PCDHGA11: variants seen among roughly 807,000 people sequenced by gnomAD.
PCDHGA11 encodes protocadherin gamma subfamily A, 11.
A neutral mutation model predicts 60.4 loss-of-function variants in PCDHGA11; 39 were observed. That is an observed-to-expected ratio of 0.65 (90% CI 0.50 to 0.84). The LOEUF is 0.84. PCDHGA11 is among the 40% of genes least tolerant of loss of function. PCDHGA11 has a pLI of 0.00. For synonymous variants in PCDHGA11, 533 were observed against 510.3 expected (o/e 1.04, Z -0.60); for missense variants, 1,165 against 1,197.7 (o/e 0.97, Z 0.40).
chr5:141,455,343 G>T (rs1462807460), intron 1 of PCDHGA11, among the ~76,000 whole-genome samples: 1 of 152,036 alleles, frequency 6.6e-6, no homozygotes, highest in Non-Finnish European at 1.5e-5. Flanking sequence ...TTTAAGGAGC[G>T]GAGAGTTTAA....
chr5:141,478,376 C>T, intron 1 of PCDHGA11: 4 of 1,613,672 alleles, frequency 2.5e-6, no homozygotes, highest in Non-Finnish European at 3.4e-6. Flanking sequence ...CCTGATGTCG[C>T]CGCACCTTTA....
At chr5:141,494,682 C>G (rs1282135022) in intron 1 of PCDHGA11, 125 bp from the exon 2 acceptor site, 16 of 1,564,362 alleles carry the variant, frequency 1.0e-5, no homozygotes, top group African/African-American at 1.4e-5. Context: ...ACCCCTGCCC[C>G]CTCTTAGTCC....
At chr5:141,434,265 GA>G (rs2097683598) in intron 1 of PCDHGA11, among the ~76,000 whole-genome samples, 1 of 152,186 alleles carries the variant, frequency 6.6e-6, no homozygotes, top group South Asian at 2.1e-4. Context: ...GGGGGAGGTG[GA>G]AATTAGAGGT....
chr5:141,435,883 C>A (rs1458527952), intron 1 of PCDHGA11, among the ~76,000 whole-genome samples: 1 of 152,020 alleles, frequency 6.6e-6, no homozygotes, highest in African/African-American at 2.4e-5. Flanking sequence ...GATTGGAAAC[C>A]CCTTAGAGAA....
intron 1 of PCDHGA11, among the ~76,000 whole-genome samples, chr5:141,454,796 ATTTTTTTTTTTTTTTTTTT>A (rs61612330): frequency 3.9e-5 from 3 of 77,408 alleles, no homozygotes; most frequent in African/African-American, 1.2e-4. Context: ...CATGGTTCTA[ATTTTTTTTTTTTTTTTTTT>A]TTTTTTTTTT....
chr5:141,485,503 C>T lies in PCDHGA11; in HGVS notation c.2434-9304C>T, dbSNP rs1057374827. The T allele has an allele frequency of 5.0e-6, 8 of 1,614,096 alleles. No homozygotes were observed. The highest frequency in any genetic ancestry group is 6.8e-6 in the Non-Finnish European group (8 of 1,180,008). On this transcript the variant is annotated intron_variant, in intron 1 of 3. Coordinates refer to ENST00000398587, the MANE Select transcript of PCDHGA11 (RefSeq NM_018914.3). This position sits in a 1 kb window ranked among gnomAD's most constrained non-coding sequence, Gnocchi z 5.7. ...GCATCGTGCCCCTGGAGTTTGTCAC[C>T]GAAGGTCCTTTGGAAATGTACCGAG...
Position 141,491,414 on chromosome 5 carries a change from G to A in PCDHGA11, c.2434-3393G>A. On this transcript the variant is annotated intron_variant, in intron 1 of 3. Coordinates refer to ENST00000398587, the MANE Select transcript of PCDHGA11 (RefSeq NM_018914.3). The surrounding 1 kb of genome is among the most constrained non-coding windows in gnomAD (Gnocchi z 6.9). ...CTTCAGGGAAACGCAGACGGGGACGGGGGTGGAGGGCAGTGCTGCAGGCGC... is the reference window on the plus strand; with the variant it reads ...CTTCAGGGAAACGCAGACGGGGACGAGGGTGGAGGGCAGTGCTGCAGGCGC... 2 of 1,614,126 alleles carry A rather than the reference G, an allele frequency of 1.2e-6. No individual in the cohort carries two copies. Among genetic ancestry groups the A allele is most frequent in the Non-Finnish European group, 1.7e-6 (2 of 1,180,022 alleles).
At chr5:141,482,048 G>T (rs375214441) in intron 1 of PCDHGA11, among the ~76,000 whole-genome samples, 12 of 150,156 alleles carry the variant, frequency 8.0e-5, no homozygotes, top group Middle Eastern at 6.9e-3. Flanking sequence ...TCATGCTGTT[G>T]CATTCCAGCC....
chr5:141,483,887 C>G (rs147069309), intron 1 of PCDHGA11, among the ~76,000 whole-genome samples: 13 of 152,036 alleles, frequency 8.6e-5, no homozygotes, highest in Non-Finnish European at 1.2e-4. Context: ...TTTTCTATTT[C>G]TCTGAGCTCT....
In PCDHGA11 at chr5:141,512,494, C is replaced by T. The variant is rs2099884262; in HGVS notation, c.*1321C>T. The T allele has an allele frequency of 6.5e-6, 1 of 152,894 alleles. No individual in the cohort carries two copies. Among genetic ancestry groups the T allele is most frequent in the Admixed American group, 6.5e-5 (1 of 15,282 alleles). The allele number at this position is 152,894 out of a possible 1,614,324, so 9.5% of individuals were successfully genotyped here. Reference sequence around the variant, plus strand: ...CTTCCGTGAAGGCCACTGCCCAGGTCCCCAGTGCGCCCCCTAGTGGCCATA... The same window carrying T: ...CTTCCGTGAAGGCCACTGCCCAGGTTCCCAGTGCGCCCCCTAGTGGCCATA... On this transcript the variant is annotated 3_prime_UTR_variant, in exon 4 of 4. Transcript: ENST00000398587.
chr5:141,509,602 C>T (rs921950654), intron 3 of PCDHGA11, among the ~76,000 whole-genome samples: 8 of 152,194 alleles, frequency 5.3e-5, no homozygotes, highest in Non-Finnish European at 8.8e-5. Context: ...TTCCGAGAGG[C>T]TGCATTCTAA....
At chr5:141,459,829 G>A in intron 1 of PCDHGA11, among the ~76,000 whole-genome samples, 1 of 152,178 alleles carries the variant, frequency 6.6e-6, no homozygotes, top group East Asian at 1.9e-4. Flanking sequence ...AACTTTTCAT[G>A]TGTTGTCTAT....
rs201968743 is a variant in PCDHGA11, at chr5:141,490,095, A to G, written c.2434-4712A>G. On this transcript the variant is annotated intron_variant, in intron 1 of 3. Coordinates refer to ENST00000398587, the MANE Select transcript of PCDHGA11 (RefSeq NM_018914.3). The surrounding 1 kb of genome is among the most constrained non-coding windows in gnomAD (Gnocchi z 5.4). ...TAGACTATTCTTTTGGAGACCACAC[A>G]TCTGAGGCAGTGCGGAACCTCTTTG... 2.4e-4 allele frequency: 394 copies of G among 1,614,156 alleles called. No individual in the cohort carries two copies. The highest frequency in any genetic ancestry group is 3.1e-4 in the Non-Finnish European group (363 of 1,180,054).
At position 141,422,850 on chromosome 5, in the gene PCDHGA11, G is replaced by A. The variant is rs184432819; in HGVS notation, c.1623G>A (p.Pro541=). The change falls in exon 1 of 4, where the codon CCG becomes CCA. Residue 541 remains proline (P), a synonymous_variant. Transcript: ENST00000398587. Reference sequence around the variant, plus strand: ...TGATAGCACGTGACAGCGGGGACCCGCCCCTCAGCAGCAACGTGTCGCTGA... The same window carrying A: ...TGATAGCACGTGACAGCGGGGACCCACCCCTCAGCAGCAACGTGTCGCTGA... ...LRVIARDSGD[P]PLSSNVSLSL... 154 of 1,614,204 alleles carry A rather than the reference G, an allele frequency of 9.5e-5. 1 individual carries two copies. The African/African-American group carries it at 1.3e-3, about 14-fold the overall frequency.
At chr5:141,452,161 A>G (rs559274240) in intron 1 of PCDHGA11, among the ~76,000 whole-genome samples, 1 of 152,204 alleles carries the variant, frequency 6.6e-6, no homozygotes, top group South Asian at 2.1e-4. Context: ...GTTATATTCT[A>G]TTACTAACAT....
rs1407774111 is a variant in PCDHGA11 at position 141,431,569 on chromosome 5, C to G, written c.2433+7909C>G. On this transcript the variant is annotated intron_variant, in intron 1 of 3. Transcript: ENST00000398587. The surrounding 1 kb of genome is among the most constrained non-coding windows in gnomAD (Gnocchi z 4.8). Reference sequence around the variant, plus strand: ...TTGTAGTCAACGCTACCGACCCTGACGAAGGAGTCAATGCGGAAGTGAGGT... The same window carrying G: ...TTGTAGTCAACGCTACCGACCCTGAGGAAGGAGTCAATGCGGAAGTGAGGT... 5.6e-6 allele frequency: 9 copies of G among 1,614,000 alleles called. No homozygotes were observed. Among genetic ancestry groups the G allele is most frequent in the African/African-American group, 2.7e-5 (2 of 74,932 alleles).
Position 141,490,013 on chromosome 5 carries a change from G to A in PCDHGA11, c.2434-4794G>A. 6.2e-7 allele frequency: 1 copy of A among 1,614,206 alleles called. No individual in the cohort carries two copies. The highest frequency in any genetic ancestry group is 1.1e-5 in the South Asian group (1 of 91,088). Reference sequence around the variant, plus strand: ...GGAATCCCAGAGAATGCACCCATTGGTACTCTGCTGCTCCGCCTCAATGCC... The same window carrying A: ...GGAATCCCAGAGAATGCACCCATTGATACTCTGCTGCTCCGCCTCAATGCC... On this transcript the variant is annotated intron_variant, in intron 1 of 3. Transcript: ENST00000398587. This position sits in a 1 kb window ranked among gnomAD's most constrained non-coding sequence, Gnocchi z 5.4.
At position 141,421,469 on chromosome 5, in the gene PCDHGA11, G is replaced by A; in HGVS notation, c.242G>A (p.Arg81Gln). ...GKTQLFAVNP[R>Q]SGSLITAGRI... ...ACACAGCTTTTCGCTGTGAATCCGC[G>A]AAGCGGCAGCTTGATCACGGCAGGC... Residue 81 changes from arginine (R) to glutamine (Q), a missense_variant, in exon 1 of 4, where the codon CGA becomes CAA. By Grantham distance (43) the Arg-to-Gln change is conservative. Coordinates refer to ENST00000398587, the MANE Select transcript of PCDHGA11 (RefSeq NM_018914.3). 6.2e-7 allele frequency: 1 copy of A among 1,614,122 alleles called. No homozygotes were observed. Among genetic ancestry groups the A allele is most frequent in the Non-Finnish European group, 8.5e-7 (1 of 1,179,954 alleles).
In PCDHGA11 at chr5:141,489,184, G is replaced by T; in HGVS notation, c.2434-5623G>T. ...TCAGCTGCTGCATTCCAAGCCCTGG[G>T]TCTACCTTGGAGACAGGACAGCACA... On this transcript the variant is annotated intron_variant, in intron 1 of 3. Transcript: ENST00000398587. This position sits in a 1 kb window ranked among gnomAD's most constrained non-coding sequence, Gnocchi z 4.5. 7.8e-7 allele frequency: 1 copy of T among 1,287,330 alleles called. No homozygotes were observed. Among genetic ancestry groups the T allele is most frequent in the Non-Finnish European group, 1.1e-6 (1 of 928,816 alleles). 79.7% of individuals were successfully genotyped at this position (1,287,330 alleles called of 1,614,324 possible).
Sources: gnomAD v4.1 joint callset for allele counts (sites outside exome capture counted in the v4.1 genomes callset) on GRCh38, gnomAD v4.1.1 for gene constraint, Gnocchi (gnomAD v3.1) non-coding constraint, MANE v1.5 for transcripts, NCBI Gene and HGNC (gene_info 2026-07-23, HGNC 2026-07-21) for gene names.